Variants in INSIG1 observed in about 807,000 individuals in gnomAD.
INSIG1 encodes the protein insulin induced gene 1.
In INSIG1, 14 loss-of-function variants were observed where a neutral mutation model predicts 26.5. The observed-to-expected ratio is 0.53, with a 90% CI of 0.35 to 0.83. The LOEUF (loss-of-function observed/expected upper bound fraction) is 0.83. Among genes scored for constraint, INSIG1 ranks in the 40% least tolerant of loss-of-function variants. INSIG1 has a pLI of 0.01. For missense variants in INSIG1, 272 were observed against 368.9 expected (o/e 0.74, Z 2.15); for synonymous variants, 147 against 153.3 (o/e 0.96, Z 0.30).
chr7:155,308,330 A>G lies in INSIG1; in HGVS notation c.*60A>G, dbSNP rs760431806. ...ATTTTGGAAGAAAATCTGACTGTGG[A>G]TTATGACAAAGATTATCTTTTTTCT... On this transcript the variant is annotated 3_prime_UTR_variant, in exon 6 of 6. Coordinates refer to ENST00000340368, the MANE Select transcript of INSIG1 (RefSeq NM_005542.6). The G allele has an allele frequency of 1.9e-6, 3 of 1,598,726 alleles. No individual in the cohort carries two copies. Among genetic ancestry groups the G allele is most frequent in the East Asian group, 2.2e-5 (1 of 44,786 alleles).
chr7:155,307,685 G>C (rs745797174), intron 5 of INSIG1, among the ~76,000 whole-genome samples: 1 of 152,292 alleles, frequency 6.6e-6, no homozygotes, highest in Non-Finnish European at 1.5e-5. Context: ...CAGAGCTTCA[G>C]TATTACAAAG....
rs374363428 is a variant in INSIG1, at chr7:155,301,551, A to G, written c.413-15A>G. On this transcript the variant is annotated splice_polypyrimidine_tract_variant and intron_variant, in intron 2 of 5. Transcript: ENST00000340368. ...AATCTGCTGTATTCTAACATTGTCA[A>G]CTTTTTTAAAACAGCTGTTGTTGGC... 1.4e-5 allele frequency: 22 copies of G among 1,599,266 alleles called. No individual in the cohort carries two copies. The highest frequency in any genetic ancestry group is 4.5e-5 in the East Asian group (2 of 44,758).
At chr7:155,301,906 ATTTATATT>A (rs1364799421) in intron 3 of INSIG1, among the ~76,000 whole-genome samples, 1 of 139,956 alleles carries the variant, frequency 7.1e-6, no homozygotes, top group African/African-American at 2.7e-5. Flanking sequence ...ATATATATTT[ATTTATATT>A]TTTATATATA....
Position 155,298,486 on chromosome 7 carries a change from G to T in INSIG1, c.201G>T (p.Met67Ile). ...CGCCCAGGGGCCGCAGTGCTGCGATGAGCGGCCCCGAGCCCGGCAGCCCCT... is the reference window on the plus strand; with the variant it reads ...CGCCCAGGGGCCGCAGTGCTGCGATTAGCGGCCCCGAGCCCGGCAGCCCCT... ...DPAPRGRSAA[M>I]SGPEPGSPYP... The change falls in exon 2 of 6, where the codon ATG (methionine) becomes ATT (isoleucine). Residue 67 changes from methionine (M) to isoleucine (I), a missense_variant. Physicochemically the swap from Met to Ile is conservative, Grantham distance 10. Transcript: ENST00000340368. 1 of 1,566,312 alleles carries T rather than the reference G, an allele frequency of 6.4e-7. No individual in the cohort carries two copies. The highest frequency in any genetic ancestry group is 8.6e-7 in the Non-Finnish European group (1 of 1,157,220).
In INSIG1 at chr7:155,308,418, G is replaced by T; in HGVS notation, c.*148G>T. On this transcript the variant is annotated 3_prime_UTR_variant, in exon 6 of 6. Coordinates refer to ENST00000340368, the MANE Select transcript of INSIG1 (RefSeq NM_005542.6). The stretch of plus-strand genomic sequence containing the variant: ...ACTCCTGGAAAAAACTCTTCACCTA[G>T]TCTAGAATAGGGAGGTGGAGAATGA... 1 of 905,068 alleles carries T rather than the reference G, an allele frequency of 1.1e-6. No homozygotes were observed. The highest frequency in any genetic ancestry group is 1.8e-6 in the Non-Finnish European group (1 of 546,468). 56.1% of individuals were successfully genotyped at this position (905,068 alleles called of 1,614,324 possible). A position where few individuals can be genotyped will look rare whatever the true frequency, so the allele number is the denominator to read the frequency against.
In INSIG1 at chr7:155,298,268, C is replaced by T. The variant is rs183943756; in HGVS notation, c.-18C>T. 8.2e-6 allele frequency: 12 copies of T among 1,468,710 alleles called. No individual in the cohort carries two copies. The African/African-American group carries it at 1.6e-4, about 20-fold the overall frequency. 91.0% of individuals were successfully genotyped at this position (1,468,710 alleles called of 1,614,324 possible). On this transcript the variant is annotated 5_prime_UTR_variant, in exon 2 of 6. Coordinates refer to ENST00000340368, the MANE Select transcript of INSIG1 (RefSeq NM_005542.6). ...GACCCCCTTCTTCCAGGAAGCGCCT[C>T]TTGGACGCGTGTGACCGATGCCCAG...
rs199524513 is a variant in INSIG1 at position 155,298,388 on chromosome 7, G to T, written c.103G>T (p.Gly35Trp). The T allele has an allele frequency of 1.2e-4, 189 of 1,563,156 alleles. No individual in the cohort carries two copies. The highest frequency in any genetic ancestry group is 1.5e-4 in the Non-Finnish European group (175 of 1,155,924). Residue 35 changes from glycine (G) to tryptophan (W), a missense_variant, in exon 2 of 6, where the codon GGG becomes TGG. This residue lies in a region of INSIG1 where 161 missense variants were observed against 179.2 expected (regional missense o/e 0.90). Transcript: ENST00000340368. ...ASAAGLAAKVGEMINVSVSGP... is the reference protein window; with the variant it reads ...ASAAGLAAKVWEMINVSVSGP... ...CGCCGCGGGGCTGGCGGCCAAGGTTGGGGAGATGATCAACGTTTCCGTGTC... is the reference window on the plus strand; with the variant it reads ...CGCCGCGGGGCTGGCGGCCAAGGTTTGGGAGATGATCAACGTTTCCGTGTC...
At chr7:155,301,488 C>T in intron 2 of INSIG1, 78 bp from the exon 3 acceptor site, 1 of 1,326,618 alleles carries the variant, frequency 7.5e-7, no homozygotes. Flanking sequence ...GAGTAATGTA[C>T]TGTGTTACTA....
At chr7:155,307,285 T>C (rs1309498256) in intron 5 of INSIG1, among the ~76,000 whole-genome samples, 1 of 152,222 alleles carries the variant, frequency 6.6e-6, no homozygotes, top group East Asian at 1.9e-4. Flanking sequence ...CTTTCTTACC[T>C]GTCTGTTCAG....
In INSIG1 at chr7:155,306,039, C is replaced by T. The variant is rs555752340; in HGVS notation, c.805-2202C>T. ...TTGAGACGGAGTCTTGCTTTGTCAC[C>T]CAGACTAAAGTGCAGTGGCACAATC... On this transcript the variant is annotated intron_variant, in intron 5 of 5. Coordinates refer to ENST00000340368, the MANE Select transcript of INSIG1 (RefSeq NM_005542.6). Among the ~76,000 whole-genome samples, 5 of 152,132 alleles carry T rather than the reference C, an allele frequency of 3.3e-5. No homozygotes were observed. In the South Asian group the frequency reaches 8.3e-4, roughly 25 times the overall value.
In INSIG1 at chr7:155,298,516, C is replaced by G. The variant is rs1161607902; in HGVS notation, c.231C>G (p.Pro77=). 4 of 1,591,662 alleles carry G rather than the reference C, an allele frequency of 2.5e-6. No homozygotes were observed. The highest frequency in any genetic ancestry group is 1.8e-5 in the Admixed American group (1 of 57,124). Residue 77 remains proline, a synonymous_variant, in exon 2 of 6, where the codon CCC becomes CCG. Transcript: ENST00000340368. ...GCCCCGAGCCCGGCAGCCCCTACCCCAACACCTGGCATCATCGCCTGTTGC... is the reference window on the plus strand; with the variant it reads ...GCCCCGAGCCCGGCAGCCCCTACCCGAACACCTGGCATCATCGCCTGTTGC... The part of the protein sequence containing the change: ...MSGPEPGSPY[P]NTWHHRLLQR...
At chr7:155,301,976 T>C (rs1797801796) in intron 3 of INSIG1, among the ~76,000 whole-genome samples, 1 of 147,706 alleles carries the variant, frequency 6.8e-6, no homozygotes, top group South Asian at 2.1e-4. Context: ...TATATTTATA[T>C]AAATATATAT....
Position 155,308,407 on chromosome 7 carries a change from C to A in INSIG1, c.*137C>A. 2 of 1,024,920 alleles carry A rather than the reference C, an allele frequency of 2.0e-6. No homozygotes were observed. The highest frequency in any genetic ancestry group is 3.1e-6 in the Non-Finnish European group (2 of 650,298). The allele number at this position is 1,024,920 out of a possible 1,614,324, so 63.5% of individuals were successfully genotyped here. ...CTGTACAAATGACTCCTGGAAAAAA[C>A]TCTTCACCTAGTCTAGAATAGGGAG... On this transcript the variant is annotated 3_prime_UTR_variant, in exon 6 of 6. Coordinates refer to ENST00000340368, the MANE Select transcript of INSIG1 (RefSeq NM_005542.6).
chr7:155,302,509 G>C lies in INSIG1; in HGVS notation c.704+92G>C. On this transcript the variant is annotated intron_variant, in intron 4 of 5. Coordinates refer to ENST00000340368, the MANE Select transcript of INSIG1 (RefSeq NM_005542.6). This position sits in a 1 kb window ranked among gnomAD's most constrained non-coding sequence, Gnocchi z 4.3. ...GCTTAGATATTTTCATATTTTATTT[G>C]TTTTTTATATAGAATGATACAGATT... 2 of 1,252,450 alleles carry C rather than the reference G, an allele frequency of 1.6e-6. No individual in the cohort carries two copies. Among genetic ancestry groups the C allele is most frequent in the Non-Finnish European group, 2.2e-6 (2 of 926,258 alleles). 77.6% of individuals were successfully genotyped at this position (1,252,450 alleles called of 1,614,324 possible).
intron 5 of INSIG1, among the ~76,000 whole-genome samples, chr7:155,305,461 C>T (rs1222433695): frequency 6.6e-6 from 1 of 152,174 alleles, no homozygotes; most frequent in Non-Finnish European, 1.5e-5. Context: ...TCTCCCAGGG[C>T]AGCCTTCCCC....
intron 5 of INSIG1, chr7:155,303,976 C>CT (rs11385167): frequency 0.04 from 10,438 of 261,842 alleles, 164 homozygotes; most frequent in South Asian, 0.046. Flanking sequence ...CTTTGCTTGC[C>CT]TTTTTTTTTT....
At chr7:155,300,636 C>T (rs552917213) in intron 2 of INSIG1, among the ~76,000 whole-genome samples, 1 of 152,298 alleles carries the variant, frequency 6.6e-6, no homozygotes, top group Admixed American at 6.5e-5. Context: ...TTCCTGCCTT[C>T]ATCTTTGCCA....
intron 5 of INSIG1, among the ~76,000 whole-genome samples, chr7:155,303,181 CA>C (rs1185821266): frequency 1.3e-5 from 2 of 152,192 alleles, no homozygotes; most frequent in African/African-American, 4.8e-5. Context: ...CCTCCTTCAC[CA>C]TCGGAAGCAG....
At chr7:155,304,566 C>T (rs138087506) in intron 5 of INSIG1, among the ~76,000 whole-genome samples, 2 of 152,242 alleles carry the variant, frequency 1.3e-5, no homozygotes, top group African/African-American at 2.4e-5. Flanking sequence ...CTTTTTAAAT[C>T]GGTTTTAAGA....
Sources: gnomAD v4.1 joint callset for allele counts (sites outside exome capture counted in the v4.1 genomes callset) on GRCh38, gnomAD v4.1.1 for gene constraint, gnomAD v4.1.1 regional missense constraint, Gnocchi (gnomAD v3.1) non-coding constraint, MANE v1.5 for transcripts, NCBI Gene and HGNC (gene_info 2026-07-23, HGNC 2026-07-21) for gene names.